DOCK10: variants seen among roughly 807,000 people sequenced by gnomAD.
The protein encoded by DOCK10 is dedicator of cytokinesis 10.
A neutral mutation model predicts 280.1 loss-of-function variants in DOCK10; 145 were observed. That is an observed-to-expected ratio of 0.52 (90% confidence interval 0.45 to 0.59). The LOEUF (loss-of-function observed/expected upper bound fraction) is 0.59, where lower values mean the gene tolerates loss of function less well. Ranked by LOEUF, DOCK10 falls within the 20% of genes least tolerant of loss-of-function variation. DOCK10 has a pLI of 0.00. For missense variants in DOCK10, 2,368 were observed against 2,651.7 expected (o/e 0.89, Z 2.35); for synonymous variants, 915 against 942.2 (o/e 0.97, Z 0.53).
intron 1 of DOCK10, among the ~76,000 whole-genome samples, chr2:225,015,490 T>C (rs529990216): frequency 3.9e-5 from 6 of 152,322 alleles, no homozygotes; most frequent in African/African-American, 9.6e-5. Context: ...TTCTGGGGTT[T>C]TAGACTGTAG....
intron 1 of DOCK10, among the ~76,000 whole-genome samples, chr2:224,997,718 T>C (rs1706314563): frequency 6.6e-6 from 1 of 152,030 alleles, no homozygotes; most frequent in Non-Finnish European, 1.5e-5. Flanking sequence ...ACCCAGTGTG[T>C]GAGGCAGGAA....
chr2:225,017,750 A>C (rs1689657107), intron 1 of DOCK10, among the ~76,000 whole-genome samples: 1 of 151,848 alleles, frequency 6.6e-6, no homozygotes, highest in African/African-American at 2.4e-5. Flanking sequence ...CTTGCTGAAT[A>C]TGTTTAAGCT....
intron 1 of DOCK10, among the ~76,000 whole-genome samples, chr2:224,984,224 A>G (rs1391161812): frequency 1.3e-5 from 2 of 152,170 alleles, no homozygotes; most frequent in Non-Finnish European, 2.9e-5. Flanking sequence ...TAAATAGTAA[A>G]CCAGCCCCAG....
At chr2:225,032,096 G>T (rs1690093810) in intron 1 of DOCK10, among the ~76,000 whole-genome samples, 1 of 152,136 alleles carries the variant, frequency 6.6e-6, no homozygotes, top group South Asian at 2.1e-4. Context: ...TTATTAAGAT[G>T]AAAATAAGTT....
At chr2:225,038,885 AC>A (rs1644007941) in intron 1 of DOCK10, among the ~76,000 whole-genome samples, 1 of 152,114 alleles carries the variant, frequency 6.6e-6, no homozygotes, top group African/African-American at 2.4e-5. Flanking sequence ...CATTGCACTA[AC>A]CCACCTAAAA....
chr2:224,991,761 T>C (rs1176684092), intron 1 of DOCK10, among the ~76,000 whole-genome samples: 2 of 151,802 alleles, frequency 1.3e-5, no homozygotes, highest in Admixed American at 1.3e-4. Context: ...TCTGAGAAAA[T>C]GGAAAACATA....
At chr2:225,016,591 CTA>C (rs1689600385) in intron 1 of DOCK10, among the ~76,000 whole-genome samples, 1 of 131,280 alleles carries the variant, frequency 7.6e-6, no homozygotes, top group Admixed American at 7.3e-5. Flanking sequence ...ATACATATAT[CTA>C]TGTGCACATA....
chr2:224,848,471 A>G (rs1696513047), intron 19 of DOCK10, among the ~76,000 whole-genome samples: 1 of 152,228 alleles, frequency 6.6e-6, no homozygotes, highest in Non-Finnish European at 1.5e-5. Context: ...TATGTGTTAG[A>G]GCAGAATGGT....
chr2:224,944,272 A>C (rs555350254), intron 1 of DOCK10, among the ~76,000 whole-genome samples: 1 of 152,368 alleles, frequency 6.6e-6, no homozygotes, highest in African/African-American at 2.4e-5. Flanking sequence ...TCTGTTACCA[A>C]AAAAAGATTC....
intron 1 of DOCK10, among the ~76,000 whole-genome samples, chr2:224,961,426 C>CT (rs1248324426): frequency 8.2e-6 from 1 of 122,442 alleles, no homozygotes; most frequent in Admixed American, 8.9e-5. Context: ...TTCTTTCTTT[C>CT]TTTCTTTCTT....
chr2:224,800,043 G>T, intron 41 of DOCK10, 108 bp downstream of exon 41: 2 of 612,774 alleles, frequency 3.3e-6, no homozygotes, highest in Non-Finnish European at 5.7e-6. Context: ...TTTATATAAG[G>T]TTAATTGATT....
intron 4 of DOCK10, among the ~76,000 whole-genome samples, chr2:224,888,736 ATGTG>A (rs1279880274): frequency 2.7e-5 from 4 of 147,990 alleles, no homozygotes; most frequent in Admixed American, 2.0e-4. Context: ...GTGTGAATAT[ATGTG>A]TGTATGTGTG....
At chr2:224,945,690 T>G (rs762824261) in intron 1 of DOCK10, among the ~76,000 whole-genome samples, 2 of 151,996 alleles carry the variant, frequency 1.3e-5, no homozygotes, top group Non-Finnish European at 2.9e-5. Context: ...TATATATATA[T>G]ATAATATTTT....
chr2:224,968,193 G>GGA (rs1254957064), intron 1 of DOCK10, among the ~76,000 whole-genome samples: 1 of 152,232 alleles, frequency 6.6e-6, no homozygotes, highest in Non-Finnish European at 1.5e-5. Context: ...AACATGGCAA[G>GGA]GAGAGAGCTA....
At chr2:224,837,150 C>A (rs1360609447) in intron 25 of DOCK10, among the ~76,000 whole-genome samples, 2 of 152,112 alleles carry the variant, frequency 1.3e-5, no homozygotes, top group Admixed American at 1.3e-4. Flanking sequence ...TATGAAAGTG[C>A]AAACATCATC....
chr2:225,009,088 A>G (rs1188564331), intron 1 of DOCK10, among the ~76,000 whole-genome samples: 2 of 152,210 alleles, frequency 1.3e-5, no homozygotes, highest in Non-Finnish European at 2.9e-5. Flanking sequence ...AGCAGCCAAC[A>G]TTGGAAAGAC....
intron 26 of DOCK10, among the ~76,000 whole-genome samples, chr2:224,831,692 C>A (rs1169638687): frequency 1.3e-5 from 2 of 152,196 alleles, no homozygotes; most frequent in East Asian, 3.9e-4. Flanking sequence ...TACGCCTGAG[C>A]TCTTTTGGAA....
rs144132079 is a variant in DOCK10, at chr2:224,931,546, T to C, written c.243+3A>G. 21,516 of 1,604,770 alleles carry C rather than the reference T, an allele frequency of 0.013. 184 individuals carry two copies. The highest frequency in any genetic ancestry group is 0.016 in the Admixed American group (957 of 58,722). ...CTAAATGGCTTGAGAAGAGAAGACT[T>C]ACTGAAAAGTCATCACTGGGGAAGA... On this transcript the variant is annotated splice_donor_region_variant and intron_variant, in intron 2 of 55. Transcript: ENST00000258390.
chr2:224,797,502 T>C (rs189948754), intron 42 of DOCK10, among the ~76,000 whole-genome samples: 58 of 152,314 alleles, frequency 3.8e-4, no homozygotes, highest in African/African-American at 1.3e-3. Context: ...GTATCCACTT[T>C]AATGTGGAAT....
Sources: gnomAD v4.1 joint callset for allele counts (sites outside exome capture counted in the v4.1 genomes callset) on GRCh38, gnomAD v4.1.1 for gene constraint, MANE v1.5 for transcripts, NCBI Gene and HGNC (gene_info 2026-07-23, HGNC 2026-07-21) for gene names.